The following FRMD4B variants were observed in gnomAD, a reference collection of about 807,000 sequenced individuals.
The protein encoded by FRMD4B is FERM domain containing 4B.
In FRMD4B, 74 loss-of-function variants were observed where a neutral mutation model predicts 141.5. That is an observed-to-expected ratio of 0.52 (90% CI 0.43 to 0.63). The LOEUF is 0.63. Among genes scored for constraint, FRMD4B ranks in the 30% least tolerant of loss-of-function variants. The pLI, the probability that FRMD4B is intolerant of heterozygous loss-of-function variation, is 0.00. For missense variants in FRMD4B, 1,366 were observed against 1,253.4 expected (o/e 1.09, Z -1.36); for synonymous variants, 506 against 467.9 (o/e 1.08, Z -1.05).
chr3:69,198,920 A>G, intron 11 of FRMD4B, 146 bp from the exon 12 acceptor site: 1 of 615,962 alleles, frequency 1.6e-6, no homozygotes, highest in Non-Finnish European at 2.9e-6. Context: ...CTTTTTACAA[A>G]TCAACTATGA....
Position 69,169,375 on chromosome 3 carries a change from T to TTTTTTTTTTTTC in FRMD4B, c.*2485_*2486insGAAAAAAAAAAA, listed in dbSNP as rs1553691449. ...TTTCTTTTTTTTTTTTTTTTTTTTT[T>TTTTTTTTTTTTC]CTTGAGACAAGGTCTGTTATTGCCT... On this transcript the variant is annotated 3_prime_UTR_variant, in exon 23 of 23. Coordinates refer to ENST00000398540, the MANE Select transcript of FRMD4B (RefSeq NM_015123.3). 8.0e-6 allele frequency among the ~76,000 whole-genome samples: 1 copy of TTTTTTTTTTTTC among 124,610 alleles called. No homozygotes were observed. The allele number at this position is 124,610 out of a possible 152,430, so 81.7% of individuals were successfully genotyped here.
chr3:69,540,344 G>A (rs1198875728), intron 1 of FRMD4B, among the ~76,000 whole-genome samples: 3 of 151,676 alleles, frequency 2.0e-5, no homozygotes, highest in Non-Finnish European at 4.4e-5. Context: ...GCCGGGTGCC[G>A]CGGCTCACCC....
chr3:69,449,483 C>T (rs1398325418), intron 1 of FRMD4B, among the ~76,000 whole-genome samples: 7 of 152,216 alleles, frequency 4.6e-5, no homozygotes, highest in South Asian at 2.1e-4. Context: ...GGTGAAAAAG[C>T]GGATGAATGC....
At chr3:69,447,449 T>G (rs1224104056) in intron 1 of FRMD4B, among the ~76,000 whole-genome samples, 1 of 152,184 alleles carries the variant, frequency 6.6e-6, no homozygotes, top group East Asian at 1.9e-4. Flanking sequence ...AGGTATAACA[T>G]ATATACACAA....
intron 7 of FRMD4B, among the ~76,000 whole-genome samples, chr3:69,245,350 TG>T (rs58188040): frequency 1.3e-5 from 2 of 150,534 alleles, no homozygotes; most frequent in East Asian, 1.9e-4. Context: ...TGTGTGTGTG[TG>T]TGTTTTTAGA....
At chr3:69,501,932 T>C (rs1559547309) in intron 1 of FRMD4B, among the ~76,000 whole-genome samples, 1 of 152,186 alleles carries the variant, frequency 6.6e-6, no homozygotes, top group Admixed American at 6.5e-5. Flanking sequence ...CCGTTCACAA[T>C]TGCTTCAAAG....
chr3:69,253,687 T>G (rs908329368), intron 5 of FRMD4B, among the ~76,000 whole-genome samples: 4 of 152,174 alleles, frequency 2.6e-5, no homozygotes, highest in African/African-American at 9.7e-5. Context: ...TAAAATTAAC[T>G]TGTAGAACAC....
At chr3:69,240,144 T>A (rs1398736056) in intron 7 of FRMD4B, among the ~76,000 whole-genome samples, 1 of 152,092 alleles carries the variant, frequency 6.6e-6, no homozygotes, top group East Asian at 1.9e-4. Flanking sequence ...ATAAATTTTA[T>A]GTATATTTTA....
rs140153354 is a variant in FRMD4B at position 69,251,643 on chromosome 3, A to T, written c.502-1544T>A. Among the ~76,000 whole-genome samples, 305 of 152,322 alleles carry T rather than the reference A, an allele frequency of 2.0e-3. 1 individual carries two copies. Among genetic ancestry groups the T allele is most frequent in the African/African-American group, 7.1e-3 (294 of 41,572 alleles). The stretch of plus-strand genomic sequence containing the variant: ...GAGGAGAGGATCTGCTTCAAAGTTT[A>T]TTGCCTCAAAAGCTGACAGGCCCAG... On this transcript the variant is annotated intron_variant, in intron 5 of 22. Transcript: ENST00000398540.
At chr3:69,507,473 C>T (rs1016026280) in intron 1 of FRMD4B, among the ~76,000 whole-genome samples, 2 of 152,116 alleles carry the variant, frequency 1.3e-5, no homozygotes, top group Non-Finnish European at 2.9e-5. Context: ...TGTTAGAAAT[C>T]AGTCCATATC....
chr3:69,457,909 C>G (rs1429675667), intron 1 of FRMD4B, among the ~76,000 whole-genome samples: 2 of 152,116 alleles, frequency 1.3e-5, no homozygotes, highest in South Asian at 2.1e-4. Flanking sequence ...AGGGGCAGCT[C>G]TCAACAATGG....
At chr3:69,239,841 C>G (rs1321672798) in intron 7 of FRMD4B, among the ~76,000 whole-genome samples, 1 of 151,968 alleles carries the variant, frequency 6.6e-6, no homozygotes, top group Non-Finnish European at 1.5e-5. Context: ...TGGATTGCCT[C>G]AAGAGTTCGA....
intron 2 of FRMD4B, among the ~76,000 whole-genome samples, chr3:69,417,266 T>C (rs538867745): frequency 6.6e-6 from 1 of 152,358 alleles, no homozygotes; most frequent in East Asian, 1.9e-4. Context: ...AGATGGTATC[T>C]CATTGTGGTT....
intron 1 of FRMD4B, among the ~76,000 whole-genome samples, chr3:69,436,408 T>A (rs981182348): frequency 6.6e-6 from 1 of 152,142 alleles, no homozygotes; most frequent in Admixed American, 6.5e-5. Flanking sequence ...TCACACCTAC[T>A]AGGACGGATA....
At chr3:69,232,815 G>A (rs997026507) in intron 7 of FRMD4B, among the ~76,000 whole-genome samples, 1 of 151,182 alleles carries the variant, frequency 6.6e-6, no homozygotes, top group South Asian at 2.1e-4. Flanking sequence ...TAAGACCCTT[G>A]CTGTCTATGC....
chr3:69,512,822 A>G (rs1706710751), intron 1 of FRMD4B, among the ~76,000 whole-genome samples: 2 of 152,234 alleles, frequency 1.3e-5, no homozygotes, highest in Admixed American at 1.3e-4. Flanking sequence ...CCAATGGGTC[A>G]AAAAAGACAT....
In FRMD4B at chr3:69,401,850, G is replaced by A. The variant is rs537736269; in HGVS notation, c.-1+30784C>T. Among the ~76,000 whole-genome samples the A allele has an allele frequency of 1.3e-3, 196 of 152,230 alleles. 1 individual carries two copies. The South Asian group carries it at 0.017, about 13-fold the overall frequency. On this transcript the variant is annotated intron_variant, in intron 2 of 5. Coordinates refer to the FRMD4B transcript ENST00000459638. The stretch of plus-strand genomic sequence containing the variant: ...AAAGCATTAGCCACCGTGCCTGGCC[G>A]AGAGCACAAACATCTCAGTGTAAGA...
At chr3:69,307,225 G>A (rs1260728464) in intron 3 of FRMD4B, among the ~76,000 whole-genome samples, 2 of 152,132 alleles carry the variant, frequency 1.3e-5, no homozygotes, top group East Asian at 3.9e-4. Flanking sequence ...TGAACCAAAG[G>A]AGGTAACTGG....
chr3:69,221,923 A>G lies in FRMD4B; in HGVS notation c.666T>C (p.Cys222=), dbSNP rs1456685869. The change falls in exon 9 of 23, where the codon TGT becomes TGC. Residue 222 remains cysteine, a splice_region_variant and synonymous_variant. Coordinates refer to ENST00000398540, the MANE Select transcript of FRMD4B (RefSeq NM_015123.3). The part of the protein sequence containing the change: ...TLQEHPSLAY[C]EDRVIEHYLK... ...AATAATGCTCAATTACCCTGTCCTCACTGTAAAACAAAGAAATGAGAAGGA... is the reference window on the plus strand; with the variant it reads ...AATAATGCTCAATTACCCTGTCCTCGCTGTAAAACAAAGAAATGAGAAGGA... 6.6e-7 allele frequency: 1 copy of G among 1,504,502 alleles called. No homozygotes were observed. Among genetic ancestry groups the G allele is most frequent in the South Asian group, 1.2e-5 (1 of 85,138 alleles). 93.2% of individuals were successfully genotyped at this position (1,504,502 alleles called of 1,614,324 possible).
Sources: allele counts gnomAD v4.1 joint callset (sites outside exome capture counted in the v4.1 genomes callset), GRCh38; gene constraint gnomAD v4.1.1; transcripts MANE v1.5; gene names NCBI Gene and HGNC (gene_info 2026-07-23, HGNC 2026-07-21).